The following CYB5R4 variants were observed in gnomAD, a reference collection of about 807,000 sequenced individuals.
The protein encoded by CYB5R4 is N-terminal cytochrome b5 and cytochrome b5 oxidoreductase domain-containing protein.
Under a neutral mutation model 70.2 loss-of-function variants are expected in CYB5R4, and 55 were observed. The ratio of observed to expected loss-of-function variants is 0.78; its 90% CI spans 0.63 to 0.98. The LOEUF is 0.98. CYB5R4 is among the 50% of genes least tolerant of loss of function. The pLI, the probability that CYB5R4 is intolerant of heterozygous loss-of-function variation, is 0.00. For synonymous variants in CYB5R4, 197 were observed against 199.5 expected, an observed-to-expected ratio of 0.99 and a Z score of 0.11; for missense variants, 562 against 612.6, an observed-to-expected ratio of 0.92 and a Z score of 0.87.
chr6:83,911,199 T>C (rs1021019318), intron 4 of CYB5R4, among the ~76,000 whole-genome samples: 6 of 151,876 alleles, frequency 4.0e-5, no homozygotes, highest in African/African-American at 1.5e-4. Context: ...GAGCCCAGGA[T>C]TTTGAGACTA....
At chr6:83,923,803 A>G (rs1222883535) in intron 9 of CYB5R4, among the ~76,000 whole-genome samples, 1 of 152,052 alleles carries the variant, frequency 6.6e-6, no homozygotes, top group African/African-American at 2.4e-5. Flanking sequence ...TCAGATTCTA[A>G]GGAATGTTAA....
At chr6:83,871,126 G>A (rs1306874847) in intron 2 of CYB5R4, among the ~76,000 whole-genome samples, 1 of 151,898 alleles carries the variant, frequency 6.6e-6, no homozygotes, top group East Asian at 1.9e-4. Flanking sequence ...ATAGGCGCCT[G>A]CAGCCATGCC....
intron 2 of CYB5R4, among the ~76,000 whole-genome samples, chr6:83,877,640 G>A (rs2099458787): frequency 2.0e-5 from 3 of 150,536 alleles, no homozygotes; most frequent in Admixed American, 6.6e-5. Flanking sequence ...CACAAAAGAG[G>A]GCATTAATGT....
chr6:83,892,835 TC>T (rs2099461317), intron 2 of CYB5R4, among the ~76,000 whole-genome samples: 1 of 152,058 alleles, frequency 6.6e-6, no homozygotes, highest in Admixed American at 6.6e-5. Context: ...TTTCTCTCTC[TC>T]TCTTCCTCTC....
chr6:83,886,436 ATAT>A (rs921562276), intron 2 of CYB5R4, among the ~76,000 whole-genome samples: 4 of 152,212 alleles, frequency 2.6e-5, no homozygotes, highest in African/African-American at 7.2e-5. Flanking sequence ...CATAGAAGAA[ATAT>A]TATCCATCCC....
Position 83,936,364 on chromosome 6 carries a change from C to G in CYB5R4, c.1096C>G (p.Arg366Gly), listed in dbSNP as rs146405277. ...TGGACTCTTCACACCAGAGCTTGAT[C>G]GTCTTCAGATTGGTTAGTATTTTTA... is the stretch of plus-strand genomic sequence containing the variant. Reference protein sequence around the residue: ...PTGLFTPELDRLQIGDFVSVS... With the variant: ...PTGLFTPELDGLQIGDFVSVS... Residue 366 changes from arginine to glycine, a missense_variant, in exon 12 of 16, where the codon CGT (arginine) becomes GGT (glycine). Transcript: ENST00000369681. The G allele has an allele frequency of 6.2e-7, 1 of 1,610,784 alleles. No homozygotes were observed. Among genetic ancestry groups the G allele is most frequent in the Non-Finnish European group, 8.5e-7 (1 of 1,179,038 alleles).
intron 4 of CYB5R4, among the ~76,000 whole-genome samples, chr6:83,913,954 G>A (rs960404800): frequency 5.9e-5 from 9 of 151,986 alleles, no homozygotes; most frequent in Admixed American, 3.3e-4. Flanking sequence ...TTTTAAACTT[G>A]TAATAACGAT....
Position 83,887,574 on chromosome 6 carries a change from A to T in CYB5R4, c.230-5948A>T, listed in dbSNP as rs542020049. On this transcript the variant is annotated intron_variant, in intron 2 of 15. Coordinates refer to ENST00000369681, the MANE Select transcript of CYB5R4 (RefSeq NM_016230.4). ...GCCTCTCTGCTATGATGAATTAGCTATACAGTGTACCCCTAATATTGCTAG... is the reference window on the plus strand; with the variant it reads ...GCCTCTCTGCTATGATGAATTAGCTTTACAGTGTACCCCTAATATTGCTAG... Among the ~76,000 whole-genome samples the T allele has an allele frequency of 1.0e-3, 159 of 152,276 alleles. 2 individuals carry two copies. Among genetic ancestry groups the T allele is most frequent in the African/African-American group, 3.5e-3 (147 of 41,562 alleles).
At chr6:83,955,711 T>C (rs1306238042) in intron 15 of CYB5R4, among the ~76,000 whole-genome samples, 3 of 152,214 alleles carry the variant, frequency 2.0e-5, no homozygotes, top group Non-Finnish European at 2.9e-5. Flanking sequence ...TGGCTGCCAA[T>C]ATTGTTACAC....
intron 4 of CYB5R4, among the ~76,000 whole-genome samples, chr6:83,913,422 A>C (rs1489158556): frequency 6.6e-6 from 1 of 152,196 alleles, no homozygotes; most frequent in East Asian, 1.9e-4. Context: ...GATTTCATTC[A>C]AGTCCTTTGA....
intron 1 of CYB5R4, among the ~76,000 whole-genome samples, chr6:83,861,064 C>T (rs2129126726): frequency 6.6e-6 from 1 of 152,282 alleles, no homozygotes; most frequent in Non-Finnish European, 1.5e-5. Flanking sequence ...TGACCTATTT[C>T]TTGAAGCTAA....
intron 10 of CYB5R4, among the ~76,000 whole-genome samples, chr6:83,928,078 G>T (rs2099467608): frequency 6.6e-6 from 1 of 152,100 alleles, no homozygotes; most frequent in African/African-American, 2.4e-5. Flanking sequence ...TAGAATAGAA[G>T]ATTCTTTTAG....
intron 2 of CYB5R4, among the ~76,000 whole-genome samples, chr6:83,872,985 A>G (rs1399715947): frequency 1.3e-5 from 2 of 152,128 alleles, no homozygotes; most frequent in African/African-American, 2.4e-5. Context: ...GGCATAGCTG[A>G]TGAGAATGGA....
intron 2 of CYB5R4, among the ~76,000 whole-genome samples, chr6:83,878,151 T>G (rs925906624): frequency 6.6e-6 from 1 of 152,208 alleles, no homozygotes; most frequent in Non-Finnish European, 1.5e-5. Context: ...TGCTATTTCC[T>G]TTAGACTTTG....
chr6:83,898,711 A>G (rs1588568775), intron 3 of CYB5R4, among the ~76,000 whole-genome samples: 2 of 150,728 alleles, frequency 1.3e-5, no homozygotes, highest in Admixed American at 1.3e-4. Flanking sequence ...TAGGTATTTT[A>G]TTCTCTTTGA....
At chr6:83,957,278 A>G (rs1309608477) in intron 15 of CYB5R4, among the ~76,000 whole-genome samples, 2 of 152,164 alleles carry the variant, frequency 1.3e-5, no homozygotes, top group Non-Finnish European at 2.9e-5. Flanking sequence ...TGCTTCTGCT[A>G]TTTTAGAAGT....
chr6:83,881,104 G>A (rs1306266749), intron 2 of CYB5R4, among the ~76,000 whole-genome samples: 2 of 152,168 alleles, frequency 1.3e-5, no homozygotes, highest in East Asian at 3.9e-4. Context: ...TTGGGTAAGA[G>A]GGTTGTTCCT....
At chr6:83,900,480 G>T (rs1310929333) in intron 3 of CYB5R4, among the ~76,000 whole-genome samples, 1 of 152,130 alleles carries the variant, frequency 6.6e-6, no homozygotes, top group East Asian at 1.9e-4. Flanking sequence ...CTGTCTATTA[G>T]GTCCACTTGG....
At chr6:83,956,936 A>G (rs771820886) in intron 15 of CYB5R4, among the ~76,000 whole-genome samples, 4 of 151,788 alleles carry the variant, frequency 2.6e-5, no homozygotes, top group Non-Finnish European at 5.9e-5. Context: ...TTTAGTCCTC[A>G]TAGATAATCT....
Sources: gnomAD v4.1 joint callset for allele counts (sites outside exome capture counted in the v4.1 genomes callset) on GRCh38, gnomAD v4.1.1 for gene constraint, MANE v1.5 for transcripts, NCBI Gene and HGNC (gene_info 2026-07-23, HGNC 2026-07-21) for gene names.